The following STK32B variants were observed in gnomAD, a reference collection of about 807,000 sequenced individuals.
The protein encoded by STK32B is serine/threonine-protein kinase 32B.
STK32B carries 43 observed loss-of-function variants against 52.6 expected under a neutral mutation model. The observed-to-expected ratio is 0.82, with a 90% CI of 0.64 to 1.05. STK32B has a LOEUF of 1.05. Ranked by LOEUF, STK32B falls within the 50% of genes least tolerant of loss-of-function variation. STK32B has a pLI of 0.00. For synonymous variants in STK32B, 238 were observed against 204.3 expected (o/e 1.17, Z -1.41); for missense variants, 621 against 534.6 (o/e 1.16, Z -1.59).
intron 1 of STK32B, among the ~76,000 whole-genome samples, chr4:5,103,413 T>G (rs1713928440): frequency 6.6e-6 from 1 of 152,212 alleles, no homozygotes; most frequent in Non-Finnish European, 1.5e-5. Context: ...CAAACTGAAA[T>G]TAGATCATTT....
rs948925294 is a variant in STK32B, at chr4:5,497,649, T to G, written c.1107-1296T>G. Among the ~76,000 whole-genome samples, 7 of 152,194 alleles carry G rather than the reference T, an allele frequency of 4.6e-5. No homozygotes were observed. The East Asian group carries it at 1.2e-3, about 25-fold the overall frequency. On this transcript the variant is annotated intron_variant, in intron 11 of 11. Transcript: ENST00000282908. ...CAGTGTTGCTGCTGGTATTTCAGTGTTATCTGAAGGACTTACTCAAGTACC... is the reference window on the plus strand; with the variant it reads ...CAGTGTTGCTGCTGGTATTTCAGTGGTATCTGAAGGACTTACTCAAGTACC...
At chr4:5,268,963 C>T (rs775937494) in intron 3 of STK32B, among the ~76,000 whole-genome samples, 7 of 151,980 alleles carry the variant, frequency 4.6e-5, no homozygotes, top group Non-Finnish European at 1.0e-4. Context: ...CTTTAGGATA[C>T]CCCACATTAC....
At chr4:5,299,685 G>C (rs1052212753) in intron 3 of STK32B, among the ~76,000 whole-genome samples, 2 of 152,144 alleles carry the variant, frequency 1.3e-5, no homozygotes, top group African/African-American at 4.8e-5. Context: ...GCTATAGTTT[G>C]AAGTCAGGTA....
intron 5 of STK32B, among the ~76,000 whole-genome samples, chr4:5,413,960 A>T (rs548433402): frequency 1.3e-5 from 2 of 152,328 alleles, no homozygotes; most frequent in African/African-American, 4.8e-5. Flanking sequence ...CAGCAATCCC[A>T]CTTCTGGGGA....
rs1467582191 is a variant in STK32B, at chr4:5,399,459, C to T, written c.472+1215C>T. Among the ~76,000 whole-genome samples, 1 of 152,156 alleles carries T rather than the reference C, an allele frequency of 6.6e-6. No individual in the cohort carries two copies. The highest frequency in any genetic ancestry group is 6.5e-5 in the Admixed American group (1 of 15,286). Reference sequence around the variant, plus strand: ...GATGGGACCATTTGCATCTCTGCATCAGATGCTGGAACCAGACTAAGTGCT... The same window carrying T: ...GATGGGACCATTTGCATCTCTGCATTAGATGCTGGAACCAGACTAAGTGCT... On this transcript the variant is annotated intron_variant, in intron 5 of 11. Coordinates refer to ENST00000282908, the MANE Select transcript of STK32B (RefSeq NM_018401.3). This position sits in a 1 kb window ranked among gnomAD's most constrained non-coding sequence, Gnocchi z 5.4.
At chr4:5,265,459 A>G (rs925812318) in intron 3 of STK32B, among the ~76,000 whole-genome samples, 34 of 152,306 alleles carry the variant, frequency 2.2e-4, no homozygotes, top group African/African-American at 7.9e-4. Context: ...TTGCCTGACC[A>G]CTGCCGCCAT....
In STK32B at chr4:5,500,380, G is replaced by C. The variant is rs1282093509; in HGVS notation, c.*1297G>C. On this transcript the variant is annotated 3_prime_UTR_variant, in exon 12 of 12. Coordinates refer to ENST00000282908, the MANE Select transcript of STK32B (RefSeq NM_018401.3). ...GATGACTCATAGAATGGCCTTTTTT[G>C]TCAGCATAATCGTCATCATTATTTA... 1 of 152,136 alleles carries C rather than the reference G, an allele frequency of 6.6e-6. No homozygotes were observed. Among genetic ancestry groups the C allele is most frequent in the African/African-American group, 2.4e-5 (1 of 41,426 alleles). 9.4% of individuals were successfully genotyped at this position (152,136 alleles called of 1,614,324 possible). A position where few individuals can be genotyped will look rare whatever the true frequency, so the allele number is the denominator to read the frequency against.
intron 6 of STK32B, among the ~76,000 whole-genome samples, chr4:5,440,239 T>C (rs1045795319): frequency 1.3e-5 from 2 of 152,228 alleles, no homozygotes; most frequent in African/African-American, 4.8e-5. Context: ...CCCATGAGCA[T>C]GGAATGTTCT....
At chr4:5,431,200 A>G (rs1713544530) in intron 6 of STK32B, among the ~76,000 whole-genome samples, 1 of 152,246 alleles carries the variant, frequency 6.6e-6, no homozygotes, top group South Asian at 2.1e-4. Flanking sequence ...TGACCTGAGC[A>G]AAGTCAGCAA....
At chr4:5,084,968 A>G (rs1400440615) in intron 1 of STK32B, among the ~76,000 whole-genome samples, 7 of 152,210 alleles carry the variant, frequency 4.6e-5, no homozygotes, top group Non-Finnish European at 1.0e-4. Context: ...CATGACAGTA[A>G]AAGTGTCGAG....
At chr4:5,368,052 C>G (rs1477887355) in intron 4 of STK32B, among the ~76,000 whole-genome samples, 1 of 152,160 alleles carries the variant, frequency 6.6e-6, no homozygotes, top group Non-Finnish European at 1.5e-5. Context: ...ATTTCTACCT[C>G]TTCTGGGTTT....
chr4:5,414,795 G>A (rs948040675), intron 5 of STK32B, among the ~76,000 whole-genome samples: 2 of 152,234 alleles, frequency 1.3e-5, no homozygotes, highest in Admixed American at 6.5e-5. Context: ...GGGGGTGGGA[G>A]AGACATTGAG....
chr4:5,430,437 T>C (rs1713478496), intron 6 of STK32B, among the ~76,000 whole-genome samples: 1 of 152,214 alleles, frequency 6.6e-6, no homozygotes, highest in Non-Finnish European at 1.5e-5. Context: ...AGTTTCTGTC[T>C]TTCTATTGAA....
chr4:5,167,639 C>G (rs796470603), intron 2 of STK32B, among the ~76,000 whole-genome samples: 1 of 152,214 alleles, frequency 6.6e-6, no homozygotes, highest in East Asian at 1.9e-4. Flanking sequence ...GGCAAACTTA[C>G]AAACTCCGGG....
chr4:5,069,278 C>T (rs1442761653), intron 1 of STK32B, among the ~76,000 whole-genome samples: 1 of 151,016 alleles, frequency 6.6e-6, no homozygotes, highest in South Asian at 2.1e-4. Context: ...CTGCAAACTC[C>T]ACCTCCCAGG....
chr4:5,383,882 A>G (rs1431027681), intron 4 of STK32B, among the ~76,000 whole-genome samples: 1 of 152,194 alleles, frequency 6.6e-6, no homozygotes, highest in Non-Finnish European at 1.5e-5. Context: ...CTCTGCTGTC[A>G]TAGTTTTATA....
At chr4:5,494,143 T>A (rs1719992306) in intron 11 of STK32B, among the ~76,000 whole-genome samples, 2 of 152,150 alleles carry the variant, frequency 1.3e-5, no homozygotes, top group African/African-American at 4.8e-5. Flanking sequence ...TTGTTAACTT[T>A]CTGTCTCGTT....
chr4:5,436,614 A>T, intron 6 of STK32B: 1 of 985,426 alleles, frequency 1.0e-6, no homozygotes, highest in South Asian at 4.7e-5. Flanking sequence ...AGGGAAAACA[A>T]GCATCAGAAC....
At chr4:5,410,382 A>G (rs1711572731) in intron 5 of STK32B, among the ~76,000 whole-genome samples, 1 of 152,236 alleles carries the variant, frequency 6.6e-6, no homozygotes, top group Admixed American at 6.5e-5. Context: ...AAGAATGATG[A>G]AAGTGAAACC....
Sources: allele counts gnomAD v4.1 joint callset (sites outside exome capture counted in the v4.1 genomes callset), GRCh38; gene constraint gnomAD v4.1.1; non-coding constraint Gnocchi (gnomAD v3.1); transcripts MANE v1.5; gene names NCBI Gene and HGNC (gene_info 2026-07-23, HGNC 2026-07-21).